ZNF367: variants seen among roughly 807,000 people sequenced by gnomAD.
The protein encoded by ZNF367 is zinc finger protein 367.
Under a neutral mutation model 31.8 loss-of-function variants are expected in ZNF367, and 11 were observed. The ratio of observed to expected loss-of-function variants is 0.35; its 90% CI spans 0.22 to 0.57. The LOEUF (loss-of-function observed/expected upper bound fraction) is 0.57, where lower values mean the gene tolerates loss of function less well. Ranked by LOEUF, ZNF367 falls within the 20% of genes least tolerant of loss-of-function variation. ZNF367 has a pLI of 0.85. For synonymous variants in ZNF367, 199 were observed against 202.4 expected, an observed-to-expected ratio of 0.98 and a Z score of 0.14; for missense variants, 353 against 484.1, an observed-to-expected ratio of 0.73 and a Z score of 2.54.
intron 1 of ZNF367, among the ~76,000 whole-genome samples, chr9:96,399,638 C>A (rs373242046): frequency 3.3e-5 from 5 of 152,070 alleles, no homozygotes; most frequent in East Asian, 3.9e-4. Flanking sequence ...GCCAACATGG[C>A]GAAACCCCAT....
chr9:96,395,024 A>G (rs758801990), intron 2 of ZNF367, 82 bp from the exon 3 acceptor site: 66 of 1,495,022 alleles, frequency 4.4e-5, no homozygotes, highest in Non-Finnish European at 6.0e-5. Flanking sequence ...CAGCCTTTAT[A>G]TAGGTCATGA....
chr9:96,408,517 C>A (rs1305305880), intron 1 of ZNF367, among the ~76,000 whole-genome samples: 1 of 152,048 alleles, frequency 6.6e-6, no homozygotes, highest in Non-Finnish European at 1.5e-5. Flanking sequence ...GTAAAACAAA[C>A]CAGTGACAAA....
intron 1 of ZNF367, among the ~76,000 whole-genome samples, chr9:96,408,522 G>A (rs546365287): frequency 3.4e-4 from 51 of 152,198 alleles, no homozygotes; most frequent in Admixed American, 1.5e-3. Context: ...ACAAACCAGT[G>A]ACAAAAAGGC....
chr9:96,406,868 G>T (rs1240256787), intron 1 of ZNF367, among the ~76,000 whole-genome samples: 1 of 151,676 alleles, frequency 6.6e-6, no homozygotes, highest in East Asian at 1.9e-4. Context: ...TGGGCGCGGT[G>T]GGGGGCGCCT....
intron 1 of ZNF367, among the ~76,000 whole-genome samples, chr9:96,416,830 G>T (rs776006568): frequency 6.6e-6 from 1 of 152,188 alleles, no homozygotes; most frequent in African/African-American, 2.4e-5. Context: ...AGTCTACAGA[G>T]TTCAGTATAA....
At chr9:96,392,269 C>A (rs1281913829) in intron 4 of ZNF367, 129 bp downstream of exon 4, 1 of 1,376,604 alleles carries the variant, frequency 7.3e-7, no homozygotes, top group South Asian at 1.2e-5. Flanking sequence ...AATCAGGGGT[C>A]ATTTCTAATT....
chr9:96,401,657 CA>C (rs35400858), intron 1 of ZNF367, among the ~76,000 whole-genome samples: 1,999 of 77,198 alleles, frequency 0.026, 45 homozygotes, highest in African/African-American at 0.088. Context: ...AGCTCCGTCT[CA>C]AAAAAAAAAA....
Position 96,398,214 on chromosome 9 carries a change from C to A in ZNF367, c.521G>T (p.Arg174Met). ...SSRIRCNICN[R>M]VFPREKSLQA... ...GAGCGATTTCTCCCGTGGAAACACC[C>A]TATTACAGATGTTACAACGGATTCT... The change falls in exon 2 of 5, where the codon AGG becomes ATG. Residue 174 changes from arginine to methionine, a missense_variant. This residue lies in a region of ZNF367 where 57 missense variants were observed against 141.9 expected (regional missense o/e 0.40). Transcript: ENST00000375256. 1 of 1,609,362 alleles carries A rather than the reference C, an allele frequency of 6.2e-7. No individual in the cohort carries two copies.
intron 1 of ZNF367, among the ~76,000 whole-genome samples, chr9:96,404,245 G>A (rs1831643000): frequency 1.3e-5 from 2 of 152,020 alleles, no homozygotes; most frequent in Admixed American, 6.6e-5. Context: ...CGGATCACGA[G>A]GTCAGGAGAT....
chr9:96,415,643 G>A (rs370443217), intron 1 of ZNF367, among the ~76,000 whole-genome samples: 43 of 151,154 alleles, frequency 2.8e-4, no homozygotes, highest in Admixed American at 7.9e-4. Context: ...GATTACGGGC[G>A]CCCGCCACCA....
rs373753968 is a variant in ZNF367, at chr9:96,394,703, TA to T, written c.691+119del. On this transcript the variant is annotated intron_variant, in intron 3 of 4. Coordinates refer to ENST00000375256, the MANE Select transcript of ZNF367 (RefSeq NM_153695.4). Reference sequence around the variant, plus strand: ...ATCACAATTATCAAAGAAGAAAGCTTATAAAGTTTTATAAAATTTATATTAA... The same window carrying T: ...ATCACAATTATCAAAGAAGAAAGCTTTAAAGTTTTATAAAATTTATATTAA... 1.0e-3 allele frequency: 942 copies of T among 917,004 alleles called. 8 individuals carry two copies. The African/African-American group carries it at 0.014, about 14-fold the overall frequency. The allele number at this position is 917,004 out of a possible 1,614,324, so 56.8% of individuals were successfully genotyped here.
chr9:96,401,324 G>A (rs989491049), intron 1 of ZNF367, among the ~76,000 whole-genome samples: 21 of 152,060 alleles, frequency 1.4e-4, no homozygotes, highest in Non-Finnish European at 2.8e-4. Flanking sequence ...TCAGGAGCTC[G>A]AGACCGGCCT....
At chr9:96,404,331 A>G (rs1177864823) in intron 1 of ZNF367, among the ~76,000 whole-genome samples, 1 of 152,172 alleles carries the variant, frequency 6.6e-6, no homozygotes, top group Non-Finnish European at 1.5e-5. Flanking sequence ...GCAGTGGCTC[A>G]CGCCTATAAT....
chr9:96,400,392 C>CAAAAAA (rs57650386), intron 1 of ZNF367, among the ~76,000 whole-genome samples: 2 of 71,890 alleles, frequency 2.8e-5, no homozygotes, highest in African/African-American at 1.2e-4. Flanking sequence ...GACCCTGTCT[C>CAAAAAA]AAAAAAAAAA....
intron 3 of ZNF367, among the ~76,000 whole-genome samples, chr9:96,392,942 G>A (rs755729693): frequency 2.6e-5 from 4 of 152,134 alleles, no homozygotes; most frequent in South Asian, 4.1e-4. Flanking sequence ...AAAATTAGCC[G>A]GGTGTGGTGG....
chr9:96,399,829 A>G (rs1831579817), intron 1 of ZNF367, among the ~76,000 whole-genome samples: 1 of 152,076 alleles, frequency 6.6e-6, no homozygotes. Flanking sequence ...AAAAAACAAA[A>G]AACAAACAAA....
chr9:96,415,479 A>ATTTTTTTTTTTT (rs56349404), intron 1 of ZNF367, among the ~76,000 whole-genome samples: 2 of 37,784 alleles, frequency 5.3e-5, no homozygotes, highest in Non-Finnish European at 9.5e-5. Flanking sequence ...TAGTTTCTTC[A>ATTTTTTTTTTTT]TTTTTTTTTT....
intron 4 of ZNF367, among the ~76,000 whole-genome samples, chr9:96,391,375 G>A (rs544515198): frequency 8.5e-5 from 13 of 152,358 alleles, no homozygotes; most frequent in African/African-American, 3.1e-4. Context: ...AGGCCTTCCT[G>A]AGTAAGAGAT....
rs1303118639 is a variant in ZNF367, at chr9:96,388,220, AAG to A, written c.*15_*16del. The A allele has an allele frequency of 2.9e-5, 46 of 1,603,608 alleles. No homozygotes were observed. The highest frequency in any genetic ancestry group is 3.9e-5 in the Non-Finnish European group (46 of 1,176,082). ...GCTGGGCAGTACTTTTGTACAGTGGAAGAGTCAGTGTCCAAGCTACTGTCGGA... is the reference window on the plus strand; with the variant it reads ...GCTGGGCAGTACTTTTGTACAGTGGAAGTCAGTGTCCAAGCTACTGTCGGA... On this transcript the variant is annotated 3_prime_UTR_variant, in exon 5 of 5. Transcript: ENST00000375256.
Sources: allele counts gnomAD v4.1 joint callset (sites outside exome capture counted in the v4.1 genomes callset), GRCh38; gene constraint gnomAD v4.1.1; regional missense constraint gnomAD v4.1.1; transcripts MANE v1.5; gene names NCBI Gene and HGNC (gene_info 2026-07-23, HGNC 2026-07-21).